The following CYP20A1 variants were observed in gnomAD, a reference collection of about 807,000 sequenced individuals.
CYP20A1 encodes the protein cytochrome P450 family 20 subfamily A member 1, also known as cytochrome P450 20A1.
In CYP20A1, 61 loss-of-function variants were observed where a neutral mutation model predicts 61.4. The observed-to-expected ratio is 0.99, with a 90% CI of 0.81 to 1.23. CYP20A1 has a LOEUF of 1.23. Among genes scored for constraint, CYP20A1 ranks in the 50% most tolerant of loss-of-function variants. CYP20A1 has a pLI of 0.00. For synonymous variants in CYP20A1, 193 were observed against 188.2 expected, an observed-to-expected ratio of 1.03 and a Z score of -0.21; for missense variants, 530 against 542.4, an observed-to-expected ratio of 0.98 and a Z score of 0.23.
At chr2:203,294,295 T>C (rs2068676640) in intron 11 of CYP20A1, among the ~76,000 whole-genome samples, 1 of 152,018 alleles carries the variant, frequency 6.6e-6, no homozygotes, top group Non-Finnish European at 1.5e-5. Context: ...CCCAGCACTT[T>C]GGGAGGCCGA....
intron 7 of CYP20A1, 134 bp from the exon 8 acceptor site, chr2:203,279,925 G>T: frequency 1.8e-6 from 1 of 550,048 alleles, no homozygotes; most frequent in Non-Finnish European, 3.0e-6. Context: ...TTTTGTTTTA[G>T]TGAAAACATC....
intron 11 of CYP20A1, among the ~76,000 whole-genome samples, chr2:203,293,828 C>A (rs991792155): frequency 5.9e-5 from 9 of 152,004 alleles, no homozygotes; most frequent in African/African-American, 2.2e-4. Flanking sequence ...TTTAAAAATA[C>A]TTGTTTTTGC....
intron 8 of CYP20A1, among the ~76,000 whole-genome samples, chr2:203,284,401 T>C (rs770638055): frequency 1.3e-5 from 2 of 152,158 alleles, no homozygotes; most frequent in Non-Finnish European, 2.9e-5. Context: ...TTAATAGTTA[T>C]AATCCCAGTG....
chr2:203,283,541 G>A (rs1293773304), intron 8 of CYP20A1, among the ~76,000 whole-genome samples: 1 of 142,792 alleles, frequency 7.0e-6, no homozygotes, highest in Non-Finnish European at 1.5e-5. Context: ...AATTCATATT[G>A]TTATATTAAT....
chr2:203,293,364 C>T (rs560335916), intron 11 of CYP20A1, among the ~76,000 whole-genome samples: 6 of 150,896 alleles, frequency 4.0e-5, no homozygotes, highest in African/African-American at 7.3e-5. Context: ...TACAGGCACC[C>T]GCCACCACGC....
At chr2:203,267,276 T>C (rs1163868714) in intron 5 of CYP20A1, among the ~76,000 whole-genome samples, 1 of 152,186 alleles carries the variant, frequency 6.6e-6, no homozygotes, top group Non-Finnish European at 1.5e-5. Flanking sequence ...CTCACACCTG[T>C]AATCCCAGCA....
Position 203,296,947 on chromosome 2 carries a change from G to T in CYP20A1, c.*39G>T. The T allele has an allele frequency of 1.6e-6, 2 of 1,218,590 alleles. No homozygotes were observed. Among genetic ancestry groups the T allele is most frequent in the South Asian group, 1.5e-5 (1 of 66,004 alleles). 75.5% of individuals were successfully genotyped at this position (1,218,590 alleles called of 1,614,324 possible). On this transcript the variant is annotated 3_prime_UTR_variant, in exon 13 of 13. Transcript: ENST00000356079. ...TAAAATCATTGTTAAATTGATTGAG[G>T]AAAACAACCATTTAAAAAAAATCTA... is the stretch of plus-strand genomic sequence containing the variant.
rs1164524696 is a variant in CYP20A1 at position 203,300,809 on chromosome 2, A to G, written c.*3901A>G. 2.6e-5 allele frequency among the ~76,000 whole-genome samples: 4 copies of G among 151,130 alleles called. No individual in the cohort carries two copies. The highest frequency in any genetic ancestry group is 5.9e-5 in the Non-Finnish European group (4 of 67,902). On this transcript the variant is annotated 3_prime_UTR_variant, in exon 13 of 13. Coordinates refer to ENST00000356079, the MANE Select transcript of CYP20A1 (RefSeq NM_177538.3). ...GACGCTGAGGCAGGAAAATTGCTTGAACCCGTGAGGCAGAGGTTGCGATGA... is the reference window on the plus strand; with the variant it reads ...GACGCTGAGGCAGGAAAATTGCTTGGACCCGTGAGGCAGAGGTTGCGATGA...
intron 1 of CYP20A1, among the ~76,000 whole-genome samples, chr2:203,244,459 A>G (rs1234746303): frequency 1.3e-5 from 2 of 151,940 alleles, no homozygotes; most frequent in Admixed American, 6.6e-5. Context: ...TCAGCCTCCA[A>G]AAGTGCTGGG....
At chr2:203,241,367 A>G (rs1369078287) in intron 1 of CYP20A1, among the ~76,000 whole-genome samples, 1 of 152,204 alleles carries the variant, frequency 6.6e-6, no homozygotes, top group African/African-American at 2.4e-5. Flanking sequence ...TCCAGGCTGA[A>G]GATACACATT....
intron 7 of CYP20A1, among the ~76,000 whole-genome samples, chr2:203,279,779 C>T (rs1223102413): frequency 1.3e-5 from 2 of 152,138 alleles, no homozygotes; most frequent in East Asian, 3.8e-4. Flanking sequence ...CTGATTTGAT[C>T]ATTACATGTT....
chr2:203,303,874 C>CAAA lies in CYP20A1; in HGVS notation c.*6984_*6986dup, dbSNP rs34951226. On this transcript the variant is annotated 3_prime_UTR_variant, in exon 13 of 13. Transcript: ENST00000356079. ...CTTAGGCAATAAAACAAGACTGTCT[C>CAAA]AAAAAAAAAAAAAAAAAAAACTTAT... Among the ~76,000 whole-genome samples, 44 of 89,264 alleles carry CAAA rather than the reference C, an allele frequency of 4.9e-4. No homozygotes were observed. Among genetic ancestry groups the CAAA allele is most frequent in the African/African-American group, 2.0e-3 (39 of 19,536 alleles). 58.6% of individuals were successfully genotyped at this position (89,264 alleles called of 152,430 possible).
In CYP20A1 at chr2:203,300,200, A is replaced by C. The variant is rs2068965956; in HGVS notation, c.*3292A>C. The stretch of plus-strand genomic sequence containing the variant: ...AGAATAACTAATAATGATTGGAATC[A>C]AGGAAAAGAGAGCATAGAGGAATCA... On this transcript the variant is annotated 3_prime_UTR_variant, in exon 13 of 13. Transcript: ENST00000356079. Among the ~76,000 whole-genome samples the C allele has an allele frequency of 6.6e-6, 1 of 152,244 alleles. No individual in the cohort carries two copies. Among genetic ancestry groups the C allele is most frequent in the African/African-American group, 2.4e-5 (1 of 41,476 alleles).
At chr2:203,270,978 C>T (rs551964363) in intron 5 of CYP20A1, among the ~76,000 whole-genome samples, 44 of 140,112 alleles carry the variant, frequency 3.1e-4, no homozygotes, top group African/African-American at 1.0e-3. Context: ...TGGGTGTGAG[C>T]CACTCCACTC....
intron 4 of CYP20A1, among the ~76,000 whole-genome samples, chr2:203,262,979 G>GTGC (rs1344596748): frequency 6.8e-6 from 1 of 147,038 alleles, no homozygotes; most frequent in African/African-American, 2.5e-5. Context: ...TGCCCGGCAA[G>GTGC]TGCTTTTTGT....
intron 1 of CYP20A1, among the ~76,000 whole-genome samples, chr2:203,243,396 T>TC (rs2066328349): frequency 2.8e-5 from 4 of 145,202 alleles, no homozygotes; most frequent in East Asian, 2.1e-4. Flanking sequence ...CTCTCGCCTC[T>TC]TTCTTTTTTT....
intron 6 of CYP20A1, among the ~76,000 whole-genome samples, chr2:203,275,501 T>G (rs10192456): frequency 1 from 151,847 of 151,912 alleles, 75,891 homozygotes; most frequent in Middle Eastern, 1. Flanking sequence ...TTGCAGTGGC[T>G]CAATCTCAGC....
intron 1 of CYP20A1, among the ~76,000 whole-genome samples, chr2:203,240,880 T>C (rs759683001): frequency 6.6e-6 from 1 of 152,158 alleles, no homozygotes; most frequent in African/African-American, 2.4e-5. Context: ...CCATTTGAAA[T>C]TGGATAGAAT....
intron 6 of CYP20A1, among the ~76,000 whole-genome samples, chr2:203,277,182 A>G (rs1441288210): frequency 6.6e-6 from 1 of 151,982 alleles, no homozygotes; most frequent in East Asian, 1.9e-4. Flanking sequence ...CCCCGTCTCT[A>G]CTAAAAATAT....
Sources: gnomAD v4.1 joint callset for allele counts (sites outside exome capture counted in the v4.1 genomes callset) on GRCh38, gnomAD v4.1.1 for gene constraint, MANE v1.5 for transcripts, NCBI Gene and HGNC (gene_info 2026-07-23, HGNC 2026-07-21) for gene names.